Variants in GABRG3 observed in about 807,000 individuals in gnomAD.
GABRG3 encodes gamma-aminobutyric acid receptor subunit gamma-3.
A neutral mutation model predicts 48.8 loss-of-function variants in GABRG3; 25 were observed. The observed-to-expected ratio is 0.51, with a 90% CI of 0.37 to 0.72. The LOEUF is 0.72. GABRG3 is among the 30% of genes least tolerant of loss of function. GABRG3 has a pLI of 0.00. For synonymous variants in GABRG3, 227 were observed against 217.6 expected (o/e 1.04, Z -0.38); for missense variants, 394 against 577.9 (o/e 0.68, Z 3.26).
At chr15:27,303,001 T>C (rs965708983) in intron 3 of GABRG3, among the ~76,000 whole-genome samples, 2 of 151,848 alleles carry the variant, frequency 1.3e-5, no homozygotes, top group African/African-American at 2.4e-5. Flanking sequence ...AAATTTATAG[T>C]ATTAAGTGCT....
chr15:27,237,544 A>G (rs1231698817), intron 3 of GABRG3, among the ~76,000 whole-genome samples: 1 of 152,194 alleles, frequency 6.6e-6, no homozygotes, highest in African/African-American at 2.4e-5. Context: ...AAACAGCTCC[A>G]TGGGTTCAAA....
intron 5 of GABRG3, among the ~76,000 whole-genome samples, chr15:27,394,480 A>T (rs569351616): frequency 1.3e-5 from 2 of 152,158 alleles, no homozygotes; most frequent in African/African-American, 4.8e-5. Flanking sequence ...GGAAGTAGAA[A>T]ATTGTTATTA....
chr15:27,469,129 G>A (rs1161209850), intron 5 of GABRG3, among the ~76,000 whole-genome samples: 4 of 152,168 alleles, frequency 2.6e-5, no homozygotes, highest in African/African-American at 4.8e-5. Context: ...GGACTGCTGT[G>A]CTTCATTAGC....
intron 3 of GABRG3, among the ~76,000 whole-genome samples, chr15:27,028,951 G>T (rs8043185): frequency 6.6e-6 from 1 of 152,048 alleles, no homozygotes; most frequent in Non-Finnish European, 1.5e-5. Flanking sequence ...GGTGAGAAAC[G>T]ACCTTAGAAT....
At chr15:27,246,157 A>G (rs1044973483) in intron 3 of GABRG3, among the ~76,000 whole-genome samples, 1 of 152,174 alleles carries the variant, frequency 6.6e-6, no homozygotes, top group Non-Finnish European at 1.5e-5. Flanking sequence ...ATATTTCAAC[A>G]TGAGATTTGG....
At chr15:27,357,652 C>G (rs1043994299) in intron 5 of GABRG3, among the ~76,000 whole-genome samples, 70 of 152,148 alleles carry the variant, frequency 4.6e-4, no homozygotes, top group African/African-American at 1.5e-3. Context: ...TAATGTCTGG[C>G]TCAATAAAAG....
chr15:27,248,801 C>CAG (rs1282566859), intron 3 of GABRG3, among the ~76,000 whole-genome samples: 7 of 120,642 alleles, frequency 5.8e-5, no homozygotes, highest in South Asian at 2.8e-4. Context: ...CACACACACA[C>CAG]ACAGAGAGAG....
chr15:27,099,676 A>G (rs1190211621), intron 3 of GABRG3, among the ~76,000 whole-genome samples: 1 of 151,362 alleles, frequency 6.6e-6, no homozygotes, highest in Non-Finnish European at 1.5e-5. Flanking sequence ...AACCACAAAG[A>G]AAACTGTACA....
chr15:27,501,142 A>T (rs187453635), intron 6 of GABRG3, among the ~76,000 whole-genome samples: 1 of 151,932 alleles, frequency 6.6e-6, no homozygotes, highest in Admixed American at 6.6e-5. Context: ...TAGTAGAGAC[A>T]GGGTTTCACC....
rs11381050 is a variant in GABRG3, at chr15:27,219,100, T to TC, written c.271-107705dup. Among the ~76,000 whole-genome samples the TC allele has an allele frequency of 5.2e-3, 796 of 152,288 alleles. 2 individuals are homozygous for TC. The highest frequency in any genetic ancestry group is 0.018 in the African/African-American group (756 of 41,560). ...GCTACAGCCCCAAGTCCTAGCTTCT[T>TC]CCCCTGAGACCCCAGAGTCTTTGAT... On this transcript the variant is annotated intron_variant, in intron 3 of 9. Coordinates refer to ENST00000615808, the MANE Select transcript of GABRG3 (RefSeq NM_033223.5).
chr15:27,502,025 A>G (rs906822948), intron 6 of GABRG3, among the ~76,000 whole-genome samples: 2 of 152,186 alleles, frequency 1.3e-5, no homozygotes, highest in African/African-American at 4.8e-5. Context: ...TCCTCCCAGG[A>G]CTGAAGCCAC....
At chr15:27,264,179 G>A (rs1305640230) in intron 3 of GABRG3, among the ~76,000 whole-genome samples, 2 of 151,960 alleles carry the variant, frequency 1.3e-5, no homozygotes, top group Non-Finnish European at 2.9e-5. Context: ...TGGAGAAATG[G>A]TTAGAGAGTG....
chr15:27,052,121 G>A (rs1342164428), intron 3 of GABRG3, among the ~76,000 whole-genome samples: 1 of 152,166 alleles, frequency 6.6e-6, no homozygotes, highest in Non-Finnish European at 1.5e-5. Flanking sequence ...CTGATACCCG[G>A]CCACAGATCG....
chr15:27,183,949 C>T (rs1277340489), intron 3 of GABRG3, among the ~76,000 whole-genome samples: 1 of 152,190 alleles, frequency 6.6e-6, no homozygotes, highest in African/African-American at 2.4e-5. Context: ...CTCTACCATT[C>T]TGAGTAATTA....
At chr15:27,341,258 T>A in intron 5 of GABRG3, among the ~76,000 whole-genome samples, 1 of 152,214 alleles carries the variant, frequency 6.6e-6, no homozygotes, top group East Asian at 1.9e-4. Context: ...TTTTTTCTTT[T>A]TTGCCCTAGT....
intron 3 of GABRG3, among the ~76,000 whole-genome samples, chr15:27,103,936 T>C (rs1168117322): frequency 6.6e-6 from 1 of 152,206 alleles, no homozygotes; most frequent in African/African-American, 2.4e-5. Context: ...CTGTTTCCCA[T>C]GGTGAGGATT....
intron 3 of GABRG3, among the ~76,000 whole-genome samples, chr15:27,050,702 G>T (rs1896441795): frequency 6.6e-6 from 1 of 151,944 alleles, no homozygotes; most frequent in South Asian, 2.1e-4. Flanking sequence ...ATGACAATAA[G>T]TTATTTTTAT....
intron 3 of GABRG3, among the ~76,000 whole-genome samples, chr15:27,187,206 G>A (rs1246563521): frequency 1.3e-5 from 2 of 151,990 alleles, no homozygotes; most frequent in Non-Finnish European, 2.9e-5. Flanking sequence ...GCTTTTTATT[G>A]TTGGCTTTGT....
intron 3 of GABRG3, among the ~76,000 whole-genome samples, chr15:27,130,920 G>A (rs544032335): frequency 8.6e-5 from 13 of 151,732 alleles, no homozygotes; most frequent in African/African-American, 2.9e-4. Flanking sequence ...TTTTTTCTTT[G>A]TTATTATTTT....
Sources: allele counts gnomAD v4.1 joint callset (sites outside exome capture counted in the v4.1 genomes callset), GRCh38; gene constraint gnomAD v4.1.1; transcripts MANE v1.5; gene names NCBI Gene and HGNC (gene_info 2026-07-23, HGNC 2026-07-21).